The following EPHX1 variants were observed in gnomAD, a reference collection of about 807,000 sequenced individuals.
EPHX1 encodes the protein epoxide hydratase.
Under a neutral mutation model 43.2 loss-of-function variants are expected in EPHX1, and 40 were observed. That is an observed-to-expected ratio of 0.93 (90% CI 0.72 to 1.21). EPHX1 has a LOEUF of 1.21. Among genes scored for constraint, EPHX1 ranks in the 50% most tolerant of loss-of-function variants. EPHX1 has a pLI of 0.00. For synonymous variants in EPHX1, 221 were observed against 226.7 expected (o/e 0.98, Z 0.22); for missense variants, 550 against 570.4 (o/e 0.96, Z 0.36).
chr1:225,818,436 A>G (rs568849454), intron 1 of EPHX1, among the ~76,000 whole-genome samples: 3 of 152,148 alleles, frequency 2.0e-5, no homozygotes, highest in Non-Finnish European at 4.4e-5. Context: ...GGGATAGGTC[A>G]GGAGAGGCTA....
At chr1:225,813,441 A>C (rs1274508235) in intron 1 of EPHX1, among the ~76,000 whole-genome samples, 1 of 152,220 alleles carries the variant, frequency 6.6e-6, no homozygotes, top group African/African-American at 2.4e-5. Flanking sequence ...TTAGGGGACC[A>C]AAGCGTTGCC....
rs747851676 is a variant in EPHX1 at position 225,840,067 on chromosome 1, G to A, written c.931+30G>A. ...GTGTGCTCAGGGGTCCTCGCCCACT[G>A]CCGGCTCCACTGGGGCAGGGAGACA... On this transcript the variant is annotated intron_variant, in intron 6 of 8. Transcript: ENST00000272167. The A allele has an allele frequency of 3.1e-6, 5 of 1,610,522 alleles. 1 individual carries two copies. The highest frequency in any genetic ancestry group is 3.4e-6 in the Non-Finnish European group (4 of 1,177,796).
intron 1 of EPHX1, among the ~76,000 whole-genome samples, chr1:225,812,512 T>C (rs541390250): frequency 5.9e-5 from 9 of 152,276 alleles, no homozygotes; most frequent in African/African-American, 2.2e-4. Flanking sequence ...GTGTCCTGGT[T>C]CCTGCCTGAT....
rs1167511516 is a variant in EPHX1, at chr1:225,828,924, TG to T, written c.183+15del. 1 of 1,558,168 alleles carries T rather than the reference TG, an allele frequency of 6.4e-7. No homozygotes were observed. Among genetic ancestry groups the T allele is most frequent in the African/African-American group, 1.4e-5 (1 of 72,838 alleles). On this transcript the variant is annotated intron_variant, in intron 2 of 8. Transcript: ENST00000272167. ...ATGAGGAGATCCACGTAAGGCACCT[TG>T]GGCCGGGCCGGGCTGGGCAGTGGAG...
At chr1:225,814,377 T>C (rs1666623205) in intron 1 of EPHX1, among the ~76,000 whole-genome samples, 1 of 152,172 alleles carries the variant, frequency 6.6e-6, no homozygotes, top group Non-Finnish European at 1.5e-5. Flanking sequence ...CAAATAATTT[T>C]TAAAAAGAAA....
At position 225,845,340 on chromosome 1, in the gene EPHX1, G is replaced by C. The variant is rs2234701; in HGVS notation, c.1361G>C (p.Arg454Pro). The C allele has an allele frequency of 1.2e-6, 2 of 1,609,100 alleles. No homozygotes were observed. The highest frequency in any genetic ancestry group is 1.7e-5 in the Admixed American group (1 of 59,818). ...CGCAAGTTCCTGTCGGTGCTGGAGC[G>C]GCAATGACCCACCCCTCTCCCCCCG... The part of the protein sequence containing the change: ...DIRKFLSVLE[R>P]Q Residue 454 changes from arginine to proline, a missense_variant, in exon 9 of 9, where the codon CGG (arginine) becomes CCG (proline). Transcript: ENST00000272167.
chr1:225,833,507 A>G lies in EPHX1; in HGVS notation c.364+1548A>G, dbSNP rs1018655224. ...TCAAGACCCCATCTCTTAAAAAAAG[A>G]GAGAGAGGCTGGGCACGGTGGCGCA... On this transcript the variant is annotated intron_variant, in intron 3 of 8. Coordinates refer to ENST00000272167, the MANE Select transcript of EPHX1 (RefSeq NM_001136018.4). Among the ~76,000 whole-genome samples, 3 of 152,146 alleles carry G rather than the reference A, an allele frequency of 2.0e-5. No homozygotes were observed. The East Asian group carries it at 5.8e-4, about 29-fold the overall frequency.
At chr1:225,831,658 C>G in intron 2 of EPHX1, 121 bp from the exon 3 acceptor site, 1 of 933,822 alleles carries the variant, frequency 1.1e-6, no homozygotes, top group South Asian at 1.4e-5. Flanking sequence ...AACTGCCTTG[C>G]CACTCCCAGA....
chr1:225,827,454 G>C (rs924689672), intron 1 of EPHX1, among the ~76,000 whole-genome samples: 1 of 152,226 alleles, frequency 6.6e-6, no homozygotes, highest in Non-Finnish European at 1.5e-5. Context: ...TGAAGAGCTA[G>C]ATAACAATGC....
chr1:225,828,929 C>T lies in EPHX1; in HGVS notation c.183+17C>T, dbSNP rs368099525. On this transcript the variant is annotated intron_variant, in intron 2 of 8. Transcript: ENST00000272167. ...GAGATCCACGTAAGGCACCTTGGGC[C>T]GGGCCGGGCTGGGCAGTGGAGAGGG... The T allele has an allele frequency of 1.6e-4, 245 of 1,552,342 alleles. No individual in the cohort carries two copies. Among genetic ancestry groups the T allele is most frequent in the Non-Finnish European group, 1.9e-4 (223 of 1,147,576 alleles).
intron 1 of EPHX1, among the ~76,000 whole-genome samples, chr1:225,811,173 A>G (rs752293815): frequency 6.6e-6 from 1 of 152,134 alleles, no homozygotes; most frequent in Non-Finnish European, 1.5e-5. Flanking sequence ...CGCCGCGGAG[A>G]CCGAGTGGCC....
chr1:225,845,278 G>A lies in EPHX1; in HGVS notation c.1299G>A (p.Ala433=), dbSNP rs45550332. 4,948 of 1,613,426 alleles carry A rather than the reference G, an allele frequency of 3.1e-3. 134 individuals carry two copies. In the African/African-American group the frequency reaches 0.054, roughly 18 times the overall value. ...YSYMVRGGHF[A]AFEEPELLAQ... ...ACATGGTTCGTGGGGGCCACTTTGC[G>A]GCCTTTGAGGAGCCGGAGCTGCTCG... is the stretch of plus-strand genomic sequence containing the variant. Residue 433 remains alanine, a synonymous_variant, in exon 9 of 9, where the codon GCG becomes GCA. Transcript: ENST00000272167.
chr1:225,819,097 G>C lies in EPHX1; in HGVS notation c.-6+8928G>C, dbSNP rs12098136. On this transcript the variant is annotated intron_variant, in intron 1 of 8. Transcript: ENST00000272167. ...AAAAAATTAGCCGGGCGTAGTGGCG[G>C]GCGCCTGTAGTCCCAGCTACTTGGG... 4.2e-5 allele frequency among the ~76,000 whole-genome samples: 2 copies of C among 47,928 alleles called. 1 individual carries two copies. The highest frequency in any genetic ancestry group is 1.2e-4 in the African/African-American group (2 of 16,076). 31.4% of individuals were successfully genotyped at this position (47,928 alleles called of 152,430 possible).
intron 3 of EPHX1, 62 bp downstream of exon 3, chr1:225,832,021 A>AT: frequency 6.5e-7 from 1 of 1,544,988 alleles, no homozygotes; most frequent in Non-Finnish European, 8.9e-7. Flanking sequence ...TTCTTCCACA[A>AT]TGTGACTTAC....
intron 6 of EPHX1, chr1:225,841,331 A>G (rs1668392393): frequency 6.6e-6 from 1 of 152,298 alleles, no homozygotes; most frequent in South Asian, 2.1e-4. Flanking sequence ...TGCCCAGGGT[A>G]GAGTGCAGTG....
At chr1:225,841,411 T>C (rs1436612137) in intron 6 of EPHX1, among the ~76,000 whole-genome samples, 1 of 151,632 alleles carries the variant, frequency 6.6e-6, no homozygotes, top group Non-Finnish European at 1.5e-5. Context: ...GCCTCCCAAG[T>C]AGCTGGGATT....
Position 225,838,759 on chromosome 1 carries a change from T to C in EPHX1, c.470T>C (p.Phe157Ser). The stretch of plus-strand genomic sequence containing the variant: ...GGCTGGCCCGGCTCTTTCTACGAGT[T>C]TTATAAGATCATCCCACTCCTGACT... ...VHGWPGSFYE[F>S]YKIIPLLTDP... The change falls in exon 4 of 9, where the codon TTT becomes TCT. Residue 157 changes from phenylalanine (F) to serine (S), a missense_variant. By Grantham distance (155) the Phe-to-Ser change is radical (BLOSUM62 -2). Coordinates refer to ENST00000272167, the MANE Select transcript of EPHX1 (RefSeq NM_001136018.4). The C allele has an allele frequency of 6.2e-7, 1 of 1,614,092 alleles. No homozygotes were observed.
chr1:225,835,314 G>A (rs1274554461), intron 3 of EPHX1, among the ~76,000 whole-genome samples: 1 of 150,836 alleles, frequency 6.6e-6, no homozygotes. Flanking sequence ...AATTTCCTGA[G>A]CTCAAGCGAT....
intron 1 of EPHX1, among the ~76,000 whole-genome samples, chr1:225,827,552 G>A (rs1667307438): frequency 1.3e-5 from 2 of 152,116 alleles, no homozygotes; most frequent in South Asian, 4.2e-4. Flanking sequence ...AGACAAATGG[G>A]GATTAAAAGA....
Sources: gnomAD v4.1 joint callset for allele counts (sites outside exome capture counted in the v4.1 genomes callset) on GRCh38, gnomAD v4.1.1 for gene constraint, MANE v1.5 for transcripts, NCBI Gene and HGNC (gene_info 2026-07-23, HGNC 2026-07-21) for gene names.